The following PRR5L variants were observed in gnomAD, a reference collection of about 807,000 sequenced individuals.
The protein encoded by PRR5L is proline rich 5 like, also known as proline-rich protein 5-like.
PRR5L carries 21 observed loss-of-function variants against 36.4 expected under a neutral mutation model. The ratio of observed to expected loss-of-function variants is 0.58; its 90% CI spans 0.41 to 0.83. The LOEUF is 0.83. PRR5L is among the 40% of genes least tolerant of loss of function. The pLI is 0.00. For missense variants in PRR5L, 381 were observed against 473.3 expected, an observed-to-expected ratio of 0.80 and a Z score of 1.81; for synonymous variants, 188 against 197.0, an observed-to-expected ratio of 0.95 and a Z score of 0.38.
intron 3 of PRR5L, among the ~76,000 whole-genome samples, chr11:36,409,142 G>A (rs1857973083): frequency 6.6e-6 from 1 of 152,186 alleles, no homozygotes; most frequent in Admixed American, 6.5e-5. Context: ...AGGAGAAAAT[G>A]ATATCCAAGT....
rs1225923669 is a variant in PRR5L at position 36,403,397 on chromosome 11, T to G, written c.245+19T>G. 6.2e-7 allele frequency: 1 copy of G among 1,607,796 alleles called. No individual in the cohort carries two copies. The highest frequency in any genetic ancestry group is 1.7e-5 in the Admixed American group (1 of 59,966). ...ACATCAGGTATGTGGCAGGCCAGAC[T>G]TGGTGCCATTTTCCCCTATAAACCT... On this transcript the variant is annotated intron_variant, in intron 3 of 8. Transcript: ENST00000530639.
chr11:36,346,617 A>G (rs748102318), intron 1 of PRR5L, among the ~76,000 whole-genome samples: 1 of 152,160 alleles, frequency 6.6e-6, no homozygotes, highest in Non-Finnish European at 1.5e-5. Flanking sequence ...GTTTTATTAC[A>G]GCATTGTCCA....
chr11:36,430,252 AAG>A (rs1376582006), intron 4 of PRR5L, among the ~76,000 whole-genome samples: 3 of 152,074 alleles, frequency 2.0e-5, no homozygotes, highest in Non-Finnish European at 2.9e-5. Context: ...TCTACCAAAA[AAG>A]TACAAAAATT....
chr11:36,308,464 C>A (rs1459482326), intron 1 of PRR5L, among the ~76,000 whole-genome samples: 6 of 152,184 alleles, frequency 3.9e-5, no homozygotes, highest in African/African-American at 1.4e-4. Flanking sequence ...TGTCTCTAGC[C>A]TGGAAGAGTG....
intron 1 of PRR5L, among the ~76,000 whole-genome samples, chr11:36,354,264 G>A (rs1857004028): frequency 6.6e-6 from 1 of 152,198 alleles, no homozygotes; most frequent in Non-Finnish European, 1.5e-5. Flanking sequence ...CTGGGACCTG[G>A]TAAACATGGA....
chr11:36,384,851 TTTA>T (rs1857430216), intron 1 of PRR5L, among the ~76,000 whole-genome samples: 1 of 151,588 alleles, frequency 6.6e-6, no homozygotes, highest in South Asian at 2.1e-4. Context: ...TTTTTTTTTT[TTTA>T]GAGTTGGGAT....
At chr11:36,403,442 A>T in intron 3 of PRR5L, 64 bp downstream of exon 3, 1 of 1,264,196 alleles carries the variant, frequency 7.9e-7, no homozygotes, top group Admixed American at 1.8e-5. Flanking sequence ...CATAGGGGCT[A>T]CCGCCTTAGG....
At chr11:36,312,957 G>A (rs1035736557) in intron 1 of PRR5L, among the ~76,000 whole-genome samples, 1 of 152,224 alleles carries the variant, frequency 6.6e-6, no homozygotes, top group Non-Finnish European at 1.5e-5. Flanking sequence ...CAGCTTCCAA[G>A]GGCTGAGTGT....
intron 6 of PRR5L, among the ~76,000 whole-genome samples, chr11:36,443,589 A>G (rs956009958): frequency 6.6e-6 from 1 of 152,230 alleles, no homozygotes; most frequent in African/African-American, 2.4e-5. Context: ...TAAGTGAGAT[A>G]ATACTTGAAA....
intron 1 of PRR5L, among the ~76,000 whole-genome samples, chr11:36,315,046 A>G (rs886488427): frequency 1.3e-5 from 2 of 152,174 alleles, no homozygotes; most frequent in African/African-American, 4.8e-5. Flanking sequence ...TTCTCACAGT[A>G]GAAAATGGGC....
intron 1 of PRR5L, among the ~76,000 whole-genome samples, chr11:36,381,954 C>T (rs186236896): frequency 0.027 from 4,113 of 151,960 alleles, 119 homozygotes; most frequent in Non-Finnish European, 0.037. Flanking sequence ...GTCAGGAGAT[C>T]GAGACCATCC....
intron 8 of PRR5L, among the ~76,000 whole-genome samples, chr11:36,453,092 T>A (rs1468800428): frequency 6.6e-6 from 1 of 152,186 alleles, no homozygotes; most frequent in Non-Finnish European, 1.5e-5. Flanking sequence ...TAGTGAGGCT[T>A]GTTCATGTAG....
intron 3 of PRR5L, among the ~76,000 whole-genome samples, chr11:36,405,318 TG>T (rs1240668007): frequency 6.6e-6 from 1 of 152,268 alleles, no homozygotes; most frequent in Admixed American, 6.5e-5. Context: ...GAAATTGAGA[TG>T]TTTATGTAAA....
intron 1 of PRR5L, among the ~76,000 whole-genome samples, chr11:36,304,244 G>A (rs892940992): frequency 1.3e-5 from 2 of 152,048 alleles, no homozygotes; most frequent in African/African-American, 4.8e-5. Context: ...GAATAAAATG[G>A]GTTCATCTAC....
At chr11:36,342,456 G>A (rs901930625) in intron 1 of PRR5L, among the ~76,000 whole-genome samples, 19 of 152,262 alleles carry the variant, frequency 1.2e-4, no homozygotes, top group African/African-American at 4.3e-4. Context: ...AGAGTCTCAG[G>A]CAGCTCTATG....
intron 1 of PRR5L, among the ~76,000 whole-genome samples, chr11:36,388,458 T>C (rs1857495460): frequency 6.6e-6 from 1 of 152,180 alleles, no homozygotes; most frequent in African/African-American, 2.4e-5. Flanking sequence ...TGTTTCTGAA[T>C]TCAAAAAGTC....
chr11:36,344,813 T>A lies in PRR5L; in HGVS notation c.-126+48375T>A, dbSNP rs1856848454. On this transcript the variant is annotated intron_variant, in intron 1 of 8. Transcript: ENST00000530639. This position sits in a 1 kb window ranked among gnomAD's most constrained non-coding sequence, Gnocchi z 4.1. ...GCCATCAGGTTTAATTAGTGCTACT[T>A]TTCTGACCAGTAAGGAAGGGGCAGC... Among the ~76,000 whole-genome samples the A allele has an allele frequency of 6.6e-6, 1 of 152,192 alleles. No individual in the cohort carries two copies. Among genetic ancestry groups the A allele is most frequent in the African/African-American group, 2.4e-5 (1 of 41,442 alleles).
Position 36,337,323 on chromosome 11 carries a change from C to G in PRR5L, c.-126+40885C>G, listed in dbSNP as rs550927269. 2.0e-5 allele frequency among the ~76,000 whole-genome samples: 3 copies of G among 152,290 alleles called. No homozygotes were observed. In the East Asian group the frequency reaches 5.8e-4, roughly 29 times the overall value. Reference sequence around the variant, plus strand: ...GAAGTCTACTTGCCCCTTCCGGCTTCTCCCCTCTTCTGCCACGTGAGGACT... The same window carrying G: ...GAAGTCTACTTGCCCCTTCCGGCTTGTCCCCTCTTCTGCCACGTGAGGACT... On this transcript the variant is annotated intron_variant, in intron 1 of 8. Coordinates refer to ENST00000530639, the MANE Select transcript of PRR5L (RefSeq NM_001160167.2).
At chr11:36,413,723 T>C (rs1043638229) in intron 3 of PRR5L, among the ~76,000 whole-genome samples, 1 of 143,600 alleles carries the variant, frequency 7.0e-6, no homozygotes, top group African/African-American at 2.5e-5. Context: ...TTATTTTATT[T>C]TATTATTATT....
Sources: gnomAD v4.1 joint callset for allele counts (sites outside exome capture counted in the v4.1 genomes callset) on GRCh38, gnomAD v4.1.1 for gene constraint, Gnocchi (gnomAD v3.1) non-coding constraint, MANE v1.5 for transcripts, NCBI Gene and HGNC (gene_info 2026-07-23, HGNC 2026-07-21) for gene names.